GRIK3: variants seen among roughly 807,000 people sequenced by gnomAD.
The protein encoded by GRIK3 is glutamate ionotropic receptor kainate type subunit 3, also known as glutamate receptor ionotropic, kainate 3.
A neutral mutation model predicts 102.5 loss-of-function variants in GRIK3; 29 were observed. That is an observed-to-expected ratio of 0.28 (90% CI 0.21 to 0.39). GRIK3 has a LOEUF of 0.39. Among genes scored for constraint, GRIK3 ranks in the 10% least tolerant of loss-of-function variants. The probability of loss-of-function intolerance (pLI) is 1.00; values close to 1 mark genes in which losing one functional copy is unlikely to be tolerated. For synonymous variants in GRIK3, 511 were observed against 504.9 expected (o/e 1.01, Z -0.16); for missense variants, 908 against 1,252.4 (o/e 0.73, Z 4.15).
At chr1:37,021,709 A>G (rs1416359938) in intron 1 of GRIK3, among the ~76,000 whole-genome samples, 1 of 152,182 alleles carries the variant, frequency 6.6e-6, no homozygotes, top group East Asian at 1.9e-4. Flanking sequence ...CAGGGAGGGA[A>G]GCAAGAAAAG....
intron 1 of GRIK3, among the ~76,000 whole-genome samples, chr1:36,912,924 A>G (rs567018154): frequency 6.6e-6 from 1 of 152,240 alleles, no homozygotes; most frequent in Non-Finnish European, 1.5e-5. Context: ...GACAAATCAA[A>G]GAACACACAA....
At chr1:36,902,241 T>C (rs1015494032) in intron 1 of GRIK3, among the ~76,000 whole-genome samples, 24 of 152,186 alleles carry the variant, frequency 1.6e-4, no homozygotes, top group African/African-American at 5.8e-4. Flanking sequence ...TTCTAAAGTG[T>C]ACATAGAGAG....
intron 5 of GRIK3, among the ~76,000 whole-genome samples, chr1:36,866,371 C>T (rs184965770): frequency 3.0e-4 from 46 of 152,332 alleles, no homozygotes; most frequent in African/African-American, 1.1e-3. Flanking sequence ...CAGCAGAGGG[C>T]TTTGGAGCTG....
intron 1 of GRIK3, among the ~76,000 whole-genome samples, chr1:36,947,015 C>T (rs1036699863): frequency 6.6e-6 from 1 of 151,998 alleles, no homozygotes. Context: ...GGATTTGGAC[C>T]GTGGAGTTTC....
intron 1 of GRIK3, among the ~76,000 whole-genome samples, chr1:36,911,741 G>A (rs1392740205): frequency 6.6e-6 from 1 of 152,100 alleles, no homozygotes; most frequent in Non-Finnish European, 1.5e-5. Flanking sequence ...CCCTGATGAG[G>A]GATGGGCTGT....
chr1:36,891,453 A>G (rs1641114712), intron 1 of GRIK3, among the ~76,000 whole-genome samples: 1 of 152,242 alleles, frequency 6.6e-6, no homozygotes, highest in Non-Finnish European at 1.5e-5. Flanking sequence ...GACTGGTTCA[A>G]TATAAAGAAA....
At position 36,859,156 on chromosome 1, in the gene GRIK3, C is replaced by T. The variant is rs775387063; in HGVS notation, c.1056G>A (p.Arg352=). 4.2e-5 allele frequency: 67 copies of T among 1,613,628 alleles called. No homozygotes were observed. The highest frequency in any genetic ancestry group is 5.2e-5 in the Non-Finnish European group (61 of 1,179,696). The change falls in exon 7 of 16, where the codon CGG becomes CGA. Residue 352 remains arginine (R), a synonymous_variant. Transcript: ENST00000373091. ...QMTVNSLQCH[R]HKAWRFGGRF... ...GGCCGCCAAAGCGCCAGGCCTTGTGCCGATGGCACTGCAGGGAGTTCACGG... is the reference window on the plus strand; with the variant it reads ...GGCCGCCAAAGCGCCAGGCCTTGTGTCGATGGCACTGCAGGGAGTTCACGG...
At chr1:36,934,805 T>A (rs1641637333) in intron 1 of GRIK3, among the ~76,000 whole-genome samples, 3 of 152,200 alleles carry the variant, frequency 2.0e-5, no homozygotes, top group African/African-American at 7.2e-5. Context: ...AATATCTCTT[T>A]GACATCTCTT....
chr1:36,959,565 C>T (rs773480977), intron 1 of GRIK3, among the ~76,000 whole-genome samples: 2 of 123,850 alleles, frequency 1.6e-5, no homozygotes, highest in Non-Finnish European at 3.5e-5. Flanking sequence ...TGACTGTGTG[C>T]TCCATGAGCC....
intron 1 of GRIK3, among the ~76,000 whole-genome samples, chr1:36,964,182 G>A (rs1463354946): frequency 6.6e-6 from 1 of 152,208 alleles, no homozygotes; most frequent in Non-Finnish European, 1.5e-5. Context: ...GGCACAGATG[G>A]ACCAACTGTG....
intron 1 of GRIK3, among the ~76,000 whole-genome samples, chr1:37,027,527 T>C (rs887791722): frequency 1.3e-5 from 2 of 152,026 alleles, no homozygotes; most frequent in Non-Finnish European, 2.9e-5. Flanking sequence ...TAGAGTCAGC[T>C]CCCTGGAGGT....
intron 12 of GRIK3, among the ~76,000 whole-genome samples, chr1:36,818,650 A>AAGTG (rs554481762): frequency 2.5e-3 from 377 of 152,304 alleles, no homozygotes; most frequent in African/African-American, 8.8e-3. Context: ...TCCTTCATTC[A>AAGTG]AGTGCCCAGC....
At chr1:36,933,665 G>A (rs757201900) in intron 1 of GRIK3, among the ~76,000 whole-genome samples, 17 of 152,160 alleles carry the variant, frequency 1.1e-4, no homozygotes, top group Non-Finnish European at 1.9e-4. Flanking sequence ...TTGAGGCAGC[G>A]GAAGACATTC....
Position 36,825,783 on chromosome 1 carries a change from C to T in GRIK3, c.1574G>A (p.Arg525Gln). 3.1e-6 allele frequency: 5 copies of T among 1,613,426 alleles called. No homozygotes were observed. The highest frequency in any genetic ancestry group is 3.4e-6 in the Non-Finnish European group (4 of 1,179,670). The change falls in exon 11 of 16, where the codon CGA becomes CAA. Residue 525 changes from arginine to glutamine, a missense_variant. Transcript: ENST00000373091. The part of the protein sequence containing the change: ...AVAPLTITHV[R>Q]EKAIDFSKPF... ...CTTGGAGAAGTCGATGGCCTTCTCT[C>T]GAACATGGGTGATGGTCAGGGGGGC...
Position 36,860,060 on chromosome 1 carries a change from C to T in GRIK3, c.787-43G>A, listed in dbSNP as rs746217244. On this transcript the variant is annotated intron_variant, in intron 5 of 15. Coordinates refer to ENST00000373091, the MANE Select transcript of GRIK3 (RefSeq NM_000831.4). The stretch of plus-strand genomic sequence containing the variant: ...TGTGTAAACCAAGGCATGCTCACTG[C>T]TGAGAACTCCAGCCCCGCCTCCTAC... 4 of 1,463,608 alleles carry T rather than the reference C, an allele frequency of 2.7e-6. No homozygotes were observed. In the Admixed American group the frequency reaches 6.3e-5, roughly 23 times the overall value. The allele number at this position is 1,463,608 out of a possible 1,614,324, so 90.7% of individuals were successfully genotyped here. A position where few individuals can be genotyped will look rare whatever the true frequency, so the allele number is the denominator to read the frequency against.
At chr1:37,002,255 C>T (rs1454731922) in intron 1 of GRIK3, among the ~76,000 whole-genome samples, 3 of 152,174 alleles carry the variant, frequency 2.0e-5, no homozygotes, top group African/African-American at 7.2e-5. Context: ...TGGGGGCATA[C>T]TAAACCTTGT....
intron 5 of GRIK3, among the ~76,000 whole-genome samples, chr1:36,861,760 C>A (rs140426339): frequency 9.7e-4 from 147 of 152,260 alleles, no homozygotes; most frequent in African/African-American, 3.4e-3. Flanking sequence ...TTGGAGCAGA[C>A]TTGAGCCCAG....
intron 1 of GRIK3, among the ~76,000 whole-genome samples, chr1:36,999,935 T>C (rs1642457518): frequency 6.6e-6 from 1 of 151,236 alleles, no homozygotes; most frequent in Admixed American, 6.6e-5. Context: ...AGGCAGAGGT[T>C]GTAGTGAGCC....
At position 36,880,849 on chromosome 1, in the gene GRIK3, G is replaced by A; in HGVS notation, c.335C>T (p.Pro112Leu). The A allele has an allele frequency of 6.2e-7, 1 of 1,613,654 alleles. No individual in the cohort carries two copies. The highest frequency in any genetic ancestry group is 8.5e-7 in the Non-Finnish European group (1 of 1,179,728). The stretch of plus-strand genomic sequence containing the variant: ...GGCATTGGTGCAGGAGCCCTGTGAT[G>A]GGCCGAAGATCGCCACCACGCCCAG... ...LALGVVAIFG[P>L]SQGSCTNAVQ... The change falls in exon 3 of 16, where the codon CCA (proline) becomes CTA (leucine). Residue 112 changes from proline to leucine, a missense_variant. Transcript: ENST00000373091. This position sits in a 1 kb window ranked among gnomAD's most constrained non-coding sequence, Gnocchi z 5.4.
Sources: gnomAD v4.1 joint callset for allele counts (sites outside exome capture counted in the v4.1 genomes callset) on GRCh38, gnomAD v4.1.1 for gene constraint, Gnocchi (gnomAD v3.1) non-coding constraint, MANE v1.5 for transcripts, NCBI Gene and HGNC (gene_info 2026-07-23, HGNC 2026-07-21) for gene names.